Variants in URB1 observed in about 807,000 individuals in gnomAD.
The protein encoded by URB1 is URB1 ribosome biogenesis factor.
Under a neutral mutation model 242.3 loss-of-function variants are expected in URB1, and 197 were observed. That is an observed-to-expected ratio of 0.81 (90% CI 0.72 to 0.91). URB1 has a LOEUF of 0.91. URB1 is among the 40% of genes least tolerant of loss of function. The probability of loss-of-function intolerance (pLI) is 0.00; values close to 1 mark genes in which losing one functional copy is unlikely to be tolerated. For missense variants in URB1, 2,721 were observed against 2,860.5 expected, an observed-to-expected ratio of 0.95 and a Z score of 1.11; for synonymous variants, 1,153 against 1,201.8, an observed-to-expected ratio of 0.96 and a Z score of 0.84.
chr21:32,391,765 C>A (rs765473372), intron 1 of URB1, among the ~76,000 whole-genome samples: 150 of 151,832 alleles, frequency 9.9e-4, no homozygotes, highest in Non-Finnish European at 1.7e-3. Context: ...ATACTCCCAG[C>A]CCTTTGAGAA....
intron 32 of URB1, among the ~76,000 whole-genome samples, chr21:32,324,166 C>T (rs1195237781): frequency 1.3e-5 from 2 of 152,150 alleles, no homozygotes; most frequent in South Asian, 2.1e-4. Context: ...TTTGCTCTCA[C>T]CACAGTTTCC....
chr21:32,372,388 A>C, intron 8 of URB1, 119 bp downstream of exon 8: 1 of 1,327,454 alleles, frequency 7.5e-7, no homozygotes, highest in Non-Finnish European at 1.0e-6. Context: ...CCCTGAAACG[A>C]GTTAGATAAT....
intron 9 of URB1, 78 bp downstream of exon 9, chr21:32,368,324 TC>T: frequency 7.4e-7 from 1 of 1,345,922 alleles, no homozygotes; most frequent in South Asian, 1.6e-5. Context: ...TGCCTCGGCC[TC>T]CCGAAGTGCT....
rs1296423163 is a variant in URB1, at chr21:32,311,754, T to C, written c.*3164A>G. 1 of 1,614,106 alleles carries C rather than the reference T, an allele frequency of 6.2e-7. No homozygotes were observed. Among genetic ancestry groups the C allele is most frequent in the Non-Finnish European group, 8.5e-7 (1 of 1,180,004 alleles). ...CAACCTCCACCTCTGCATCCAGAAGTGCCTGCCGTGCCACAGGGAACCCCT... is the reference window on the plus strand; with the variant it reads ...CAACCTCCACCTCTGCATCCAGAAGCGCCTGCCGTGCCACAGGGAACCCCT... On this transcript the variant is annotated 3_prime_UTR_variant, in exon 39 of 39. Coordinates refer to ENST00000382751, the MANE Select transcript of URB1 (RefSeq NM_014825.3).
chr21:32,361,889 T>C lies in URB1; in HGVS notation c.1639+3A>G. The C allele has an allele frequency of 6.4e-7, 1 of 1,550,854 alleles. No individual in the cohort carries two copies. Among genetic ancestry groups the C allele is most frequent in the South Asian group, 1.2e-5 (1 of 84,014 alleles). On this transcript the variant is annotated splice_donor_region_variant and intron_variant, in intron 12 of 38. Transcript: ENST00000382751. ...AGGGTCCCCCTCACCCCTGAGACCT[T>C]ACCGCACTGGTGAGCATCGCAGGCA...
At chr21:32,317,185 C>T (rs1423613305) in intron 37 of URB1, 120 bp from the exon 38 acceptor site, 7 of 1,370,006 alleles carry the variant, frequency 5.1e-6, no homozygotes, top group Non-Finnish European at 6.7e-6. Flanking sequence ...GAGCACCCGG[C>T]CCTGCTCCCA....
At position 32,376,455 on chromosome 21, in the gene URB1, C is replaced by T. The variant is rs147200753; in HGVS notation, c.665-972G>A. The stretch of plus-strand genomic sequence containing the variant: ...GAAAAATCAGAAAATACCAGACAAA[C>T]CAAAAGAATAAGTCAAAGCTTCAGT... On this transcript the variant is annotated intron_variant, in intron 5 of 38. Coordinates refer to ENST00000382751, the MANE Select transcript of URB1 (RefSeq NM_014825.3). Among the ~76,000 whole-genome samples the T allele has an allele frequency of 5.8e-3, 881 of 152,180 alleles. 2 individuals are homozygous for T. Among genetic ancestry groups the T allele is most frequent in the Middle Eastern group, 0.01 (3 of 294 alleles).
rs1275745364 is a variant in URB1, at chr21:32,320,557, T to C, written c.5568A>G (p.Thr1856=). The change falls in exon 35 of 39, where the codon ACA becomes ACG. Residue 1856 remains threonine (T), a synonymous_variant. Transcript: ENST00000382751. The part of the protein sequence containing the change: ...YEIIRDYSLL[T]WILHILESKF... ...TGCTTTCAAGGATGTGTAAAATCCA[T>C]GTTAAAAGGCTATAGTCTCGTATGA... 9 of 1,552,062 alleles carry C rather than the reference T, an allele frequency of 5.8e-6. No homozygotes were observed. Among genetic ancestry groups the C allele is most frequent in the Non-Finnish European group, 7.8e-6 (9 of 1,146,992 alleles).
At position 32,312,970 on chromosome 21, in the gene URB1, G is replaced by A. The variant is rs1293747391; in HGVS notation, c.*1948C>T. Reference sequence around the variant, plus strand: ...CACACTAAGTGACTGGAAAATACACGAACAAGGTCAGGGCAGTGGATTTAA... The same window carrying A: ...CACACTAAGTGACTGGAAAATACACAAACAAGGTCAGGGCAGTGGATTTAA... On this transcript the variant is annotated 3_prime_UTR_variant, in exon 39 of 39. Transcript: ENST00000382751. 2 of 152,162 alleles carry A rather than the reference G, an allele frequency of 1.3e-5. No individual in the cohort carries two copies. Among genetic ancestry groups the A allele is most frequent in the Non-Finnish European group, 2.9e-5 (2 of 68,030 alleles). The allele number at this position is 152,162 out of a possible 1,614,324, so 9.4% of individuals were successfully genotyped here.
At chr21:32,389,982 T>A (rs1025133751) in intron 1 of URB1, among the ~76,000 whole-genome samples, 1 of 152,162 alleles carries the variant, frequency 6.6e-6, no homozygotes, top group South Asian at 2.1e-4. Context: ...CTAACAGCCA[T>A]CAACTTCACT....
rs1471545001 is a variant in URB1 at position 32,341,514 on chromosome 21, T to C, written c.4268A>G (p.Asn1423Ser). The part of the protein sequence containing the change: ...LRLNALLHAL[N>S]EVDPGDWQKF... ...CTGCCAGTCACCAGGATCAACTTCA[T>C]TAAGTGCATGCTATGAATAAAATAA... Residue 1423 changes from asparagine to serine, a missense_variant, in exon 25 of 39, where the codon AAT becomes AGT. Asn to Ser is a conservative substitution (Grantham distance 46). Transcript: ENST00000382751. 6 of 1,551,400 alleles carry C rather than the reference T, an allele frequency of 3.9e-6. No homozygotes were observed. The African/African-American group carries it at 8.2e-5, about 21-fold the overall frequency.
chr21:32,371,158 C>T (rs774394280), intron 8 of URB1, among the ~76,000 whole-genome samples: 45 of 152,146 alleles, frequency 3.0e-4, no homozygotes, highest in Non-Finnish European at 6.2e-4. Context: ...AATGAGTGGG[C>T]CACGTGTCTA....
chr21:32,324,440 G>T, intron 32 of URB1, 51 bp downstream of exon 32: 2 of 1,434,028 alleles, frequency 1.4e-6, no homozygotes, highest in East Asian at 2.5e-5. Flanking sequence ...AAGTAGACTT[G>T]CTCAGCTTCA....
intron 30 of URB1, among the ~76,000 whole-genome samples, chr21:32,328,858 TATAA>T (rs2032861126): frequency 6.6e-6 from 1 of 152,186 alleles, no homozygotes; most frequent in Non-Finnish European, 1.5e-5. Flanking sequence ...TAAAAATAGT[TATAA>T]ATGCCATTCT....
At chr21:32,334,683 G>A (rs145965802) in intron 28 of URB1, among the ~76,000 whole-genome samples, 94 of 152,224 alleles carry the variant, frequency 6.2e-4, no homozygotes, top group Middle Eastern at 6.8e-3. Flanking sequence ...AAAGAGGTGC[G>A]GAGAGGATTA....
At chr21:32,349,621 A>AG in intron 20 of URB1, 138 bp from the exon 21 acceptor site, 1 of 796,740 alleles carries the variant, frequency 1.3e-6, no homozygotes, top group Non-Finnish European at 1.9e-6. Context: ...AGAGTGTGTG[A>AG]GACACCCATC....
intron 30 of URB1, among the ~76,000 whole-genome samples, chr21:32,328,689 A>T (rs2032859239): frequency 6.6e-6 from 1 of 152,236 alleles, no homozygotes; most frequent in East Asian, 1.9e-4. Flanking sequence ...TATTTTTAGT[A>T]ATCACTGACA....
At chr21:32,331,641 C>T (rs1029731023) in intron 30 of URB1, among the ~76,000 whole-genome samples, 4 of 152,202 alleles carry the variant, frequency 2.6e-5, no homozygotes, top group Admixed American at 6.5e-5. Flanking sequence ...AAGGCCGGAA[C>T]AAAAGCCTGT....
chr21:32,337,187 AG>A, intron 27 of URB1, 30 bp from the exon 28 acceptor site: 1 of 1,550,692 alleles, frequency 6.4e-7, no homozygotes, highest in Non-Finnish European at 8.7e-7. Flanking sequence ...CGGTTTAGGA[AG>A]ATGAACCCCT....
Sources: gnomAD v4.1 joint callset for allele counts (sites outside exome capture counted in the v4.1 genomes callset) on GRCh38, gnomAD v4.1.1 for gene constraint, MANE v1.5 for transcripts, NCBI Gene and HGNC (gene_info 2026-07-23, HGNC 2026-07-21) for gene names.